Variants in HS6ST2 observed in about 807,000 individuals in gnomAD.
The protein encoded by HS6ST2 is heparan-sulfate 6-O-sulfotransferase 2.
A neutral mutation model predicts 33.0 loss-of-function variants in HS6ST2; 17 were observed. The observed-to-expected ratio is 0.52, with a 90% CI of 0.35 to 0.77. The LOEUF is 0.77. Ranked by LOEUF, HS6ST2 falls within the 30% of genes least tolerant of loss-of-function variation. The probability of loss-of-function intolerance (pLI) is 0.01; values close to 1 mark genes in which losing one functional copy is unlikely to be tolerated. For synonymous variants in HS6ST2, 248 were observed against 237.1 expected, an observed-to-expected ratio of 1.05 and a Z score of -0.42; for missense variants, 519 against 551.7, an observed-to-expected ratio of 0.94 and a Z score of 0.59.
chrX:132,803,482 C>T (rs1241527872), intron 2 of HS6ST2, among the ~76,000 whole-genome samples: 1 of 111,798 alleles, frequency 8.9e-6, no homozygotes, highest in African/African-American at 3.3e-5. Context: ...AATCTCGGCT[C>T]ACTGCAGCCT....
chrX:132,755,048 A>T (rs1226203924), intron 2 of HS6ST2, among the ~76,000 whole-genome samples: 1 of 111,512 alleles, frequency 9.0e-6, no homozygotes, highest in Non-Finnish European at 1.9e-5. Context: ...CACTATTCGC[A>T]GTTCATACTT....
At chrX:132,707,120 C>T (rs1445253034) in intron 3 of HS6ST2, among the ~76,000 whole-genome samples, 1 of 112,140 alleles carries the variant, frequency 8.9e-6, no homozygotes, top group African/African-American at 3.2e-5. Flanking sequence ...TCAAGACTTC[C>T]CCATAAAAGC....
intron 2 of HS6ST2, among the ~76,000 whole-genome samples, chrX:132,881,206 T>A (rs1360986260): frequency 9.0e-6 from 1 of 110,874 alleles, no homozygotes; most frequent in East Asian, 2.8e-4. Flanking sequence ...CGCCACACTG[T>A]CTTCCACAAT....
In HS6ST2 at chrX:132,646,285, G is replaced by A. The variant is rs758495789; in HGVS notation, c.1068-17192C>T. ...TGGTTTAAGAATCTGCCTCCTGTGC[G>A]TAGGGGATGATAGGAGATAAGGAGT... On this transcript the variant is annotated intron_variant, in intron 4 of 4. Coordinates refer to ENST00000370833, the MANE Select transcript of HS6ST2 (RefSeq NM_001394073.1). 1.7e-4 allele frequency among the ~76,000 whole-genome samples: 19 copies of A among 111,099 alleles called. No homozygotes were observed. The East Asian group carries it at 2.0e-3, about 12-fold the overall frequency.
intron 2 of HS6ST2, among the ~76,000 whole-genome samples, chrX:132,837,105 C>T (rs779925333): frequency 1.8e-4 from 20 of 111,985 alleles, no homozygotes; most frequent in Non-Finnish European, 3.2e-4. Flanking sequence ...AAGCCAAAAA[C>T]GCCTAGAAAG....
intron 2 of HS6ST2, among the ~76,000 whole-genome samples, chrX:132,717,424 C>T (rs947915766): frequency 1.8e-5 from 2 of 112,611 alleles, no homozygotes; most frequent in African/African-American, 6.5e-5. Flanking sequence ...TCAATAATAC[C>T]TAACAGGGCA....
At chrX:132,959,208 AC>A (rs1320888047), upstream of HS6ST2, among the ~76,000 whole-genome samples, 1 of 111,376 alleles carries the variant, frequency 9.0e-6, no homozygotes, top group African/African-American at 3.3e-5. Context: ...TACTAACACC[AC>A]CTTCTCTAAT....
In HS6ST2 at chrX:132,752,185, C is replaced by T. The variant is rs188468436; in HGVS notation, c.948-43691G>A. On this transcript the variant is annotated intron_variant, in intron 2 of 4. Coordinates refer to ENST00000370833, the MANE Select transcript of HS6ST2 (RefSeq NM_001394073.1). ...TGTGGTGGAACTGTTAAAGAACTGA[C>T]ACCAGGCCTGGCATGGTGGCTCATG... 1.9e-3 allele frequency among the ~76,000 whole-genome samples: 208 copies of T among 110,173 alleles called. 3 individuals are homozygous for T. The highest frequency in any genetic ancestry group is 6.5e-3 in the African/African-American group (198 of 30,456).
At chrX:132,682,040 A>C (rs2063975446) in intron 3 of HS6ST2, among the ~76,000 whole-genome samples, 1 of 112,311 alleles carries the variant, frequency 8.9e-6, no homozygotes, top group Non-Finnish European at 1.9e-5. Context: ...CTCCTTGCAG[A>C]GAATGTTCTC....
intron 2 of HS6ST2, among the ~76,000 whole-genome samples, chrX:132,914,976 T>C (rs1569503503): frequency 8.9e-6 from 1 of 112,739 alleles, no homozygotes; most frequent in African/African-American, 3.2e-5. Context: ...AAGGGAAAAT[T>C]GCAGCATGCA....
intron 2 of HS6ST2, among the ~76,000 whole-genome samples, chrX:132,756,480 C>T (rs1323915620): frequency 9.0e-6 from 1 of 110,890 alleles, no homozygotes; most frequent in East Asian, 2.8e-4. Context: ...CCTGAAGGCT[C>T]GCTCTCCCTC....
chrX:132,656,241 CTT>C (rs889169478), intron 4 of HS6ST2, among the ~76,000 whole-genome samples: 6 of 110,510 alleles, frequency 5.4e-5, no homozygotes, highest in African/African-American at 1.6e-4. Context: ...TTTTTTTCTT[CTT>C]TTTTTAAAAA....
chrX:132,948,016 A>G (rs1474699230), intron 2 of HS6ST2, among the ~76,000 whole-genome samples: 1 of 112,047 alleles, frequency 8.9e-6, no homozygotes, highest in Admixed American at 9.5e-5. Flanking sequence ...GGCCTAATCC[A>G]TTTGAGGTAA....
intron 2 of HS6ST2, among the ~76,000 whole-genome samples, chrX:132,772,619 T>C (rs1369698546): frequency 9.8e-6 from 1 of 102,103 alleles, no homozygotes; most frequent in Non-Finnish European, 1.9e-5. Context: ...TATAAATAAT[T>C]GTATTCTATA....
chrX:132,820,469 C>A (rs1484005843), intron 2 of HS6ST2, among the ~76,000 whole-genome samples: 1 of 111,024 alleles, frequency 9.0e-6, no homozygotes, highest in Non-Finnish European at 1.9e-5. Flanking sequence ...AACCCAGGAG[C>A]CAGAGAAAGG....
intron 2 of HS6ST2, among the ~76,000 whole-genome samples, chrX:132,833,740 C>T (rs1336112799): frequency 9.2e-6 from 1 of 108,401 alleles, no homozygotes; most frequent in Non-Finnish European, 1.9e-5. Flanking sequence ...CTGGAGGGAA[C>T]ATAAGTTTTC....
intron 2 of HS6ST2, among the ~76,000 whole-genome samples, chrX:132,927,858 G>GAAAAA (rs752332242): frequency 7.8e-5 from 4 of 51,453 alleles, no homozygotes; most frequent in Admixed American, 2.2e-4. Flanking sequence ...CCCTGTCTCA[G>GAAAAA]AAAAAAAAAA....
chrX:132,690,248 C>T (rs1468979917), intron 3 of HS6ST2, among the ~76,000 whole-genome samples: 1 of 112,249 alleles, frequency 8.9e-6, no homozygotes, highest in African/African-American at 3.2e-5. Context: ...ACTGGCCATA[C>T]CAAAAACAAA....
At chrX:132,686,925 T>C (rs1212076284) in intron 3 of HS6ST2, among the ~76,000 whole-genome samples, 4 of 111,967 alleles carry the variant, frequency 3.6e-5, no homozygotes, top group African/African-American at 9.7e-5. Context: ...ATCTATTATG[T>C]GTTCCATACT....
Sources: gnomAD v4.1 joint callset for allele counts (sites outside exome capture counted in the v4.1 genomes callset) on GRCh38, gnomAD v4.1.1 for gene constraint, MANE v1.5 for transcripts, NCBI Gene and HGNC (gene_info 2026-07-23, HGNC 2026-07-21) for gene names.